The following C16orf89 variants were observed in gnomAD, a reference collection of about 807,000 sequenced individuals.
C16orf89 encodes UPF0764 protein C16orf89.
In C16orf89, 57 loss-of-function variants were observed where a neutral mutation model predicts 41.5. The ratio of observed to expected loss-of-function variants is 1.38; its 90% confidence interval spans 1.11 to 1.71. C16orf89 has a LOEUF of 1.71. C16orf89 is among the 40% of genes most tolerant of loss of function. C16orf89 has a pLI of 0.00. For synonymous variants in C16orf89, 223 were observed against 190.6 expected, an observed-to-expected ratio of 1.17 and a Z score of -1.40; for missense variants, 575 against 445.9, an observed-to-expected ratio of 1.29 and a Z score of -2.61.
chr16:5,065,758 C>G lies in C16orf89; in HGVS notation c.151G>C (p.Glu51Gln), dbSNP rs776442782. The stretch of plus-strand genomic sequence containing the variant: ...AGGTTGATTTCAGGCAGCCTCTGTT[C>G]TAGGAAGACGGTGGCTCTCTCCAGC... ...SALERATVFL[E>Q]QRLPEINLDG... Residue 51 changes from glutamate (E) to glutamine (Q), a missense_variant, in exon 1 of 8, where the codon GAA becomes CAA. Physicochemically the swap from Glu to Gln is conservative, Grantham distance 29. Coordinates refer to ENST00000472572, the MANE Select transcript of C16orf89 (RefSeq NM_001098514.3). The G allele has an allele frequency of 1.1e-5, 17 of 1,614,080 alleles. No individual in the cohort carries two copies. Among genetic ancestry groups the G allele is most frequent in the Middle Eastern group, 3.3e-4 (2 of 6,084 alleles).
At chr16:5,063,092 T>C (rs1447615954) in intron 1 of C16orf89, among the ~76,000 whole-genome samples, 1 of 152,094 alleles carries the variant, frequency 6.6e-6, no homozygotes, top group African/African-American at 2.4e-5. Context: ...TAGCAGTGGC[T>C]TTGTTGAGGT....
intron 6 of C16orf89, among the ~76,000 whole-genome samples, chr16:5,052,844 G>A (rs542864217): frequency 2.0e-4 from 30 of 152,280 alleles, no homozygotes; most frequent in East Asian, 1.9e-3. Context: ...TTATTGCAGC[G>A]CTATTCACAG....
intron 4 of C16orf89, among the ~76,000 whole-genome samples, chr16:5,056,997 T>A (rs1304766192): frequency 1.3e-5 from 2 of 151,704 alleles, no homozygotes; most frequent in Non-Finnish European, 2.9e-5. Flanking sequence ...CCCAGCACTT[T>A]GGGAGGCCGA....
At position 5,047,966 on chromosome 16, in the gene C16orf89, T is replaced by A. The variant is rs747029887; in HGVS notation, c.869-2A>T. The stretch of plus-strand genomic sequence containing the variant: ...TAGATAATTCTTCATCTTCAGCATC[T>A]GGGAGAAGAGCAAAAGTTGAACTTC... On this transcript the variant is annotated splice_acceptor_variant, in intron 6 of 7. Coordinates refer to ENST00000472572, the MANE Select transcript of C16orf89 (RefSeq NM_001098514.3). LOFTEE classifies it high-confidence loss of function. 1.3e-6 allele frequency: 2 copies of A among 1,535,740 alleles called. No homozygotes were observed. Among genetic ancestry groups the A allele is most frequent in the African/African-American group, 2.7e-5 (2 of 73,670 alleles).
chr16:5,053,730 A>G (rs1386661000), intron 6 of C16orf89, among the ~76,000 whole-genome samples: 1 of 152,094 alleles, frequency 6.6e-6, no homozygotes, highest in Non-Finnish European at 1.5e-5. Context: ...TATTTTTGGT[A>G]TAGATGGAGT....
chr16:5,062,641 GA>G (rs143371301), intron 1 of C16orf89, 67 bp from the exon 2 acceptor site: 173,703 of 1,429,632 alleles, frequency 0.12, 11,674 homozygotes, highest in Non-Finnish European at 0.14. Context: ...CTTGGAACAA[GA>G]AAAAAAAATG....
Position 5,050,722 on chromosome 16 carries a change from A to G in C16orf89, c.869-2758T>C, listed in dbSNP as rs1395250118. ...ATAGGCCGATTTCCCTGATGAACCT[A>G]GATGCAAAAATCCTTAACAAAATAC... On this transcript the variant is annotated intron_variant, in intron 6 of 7. Coordinates refer to ENST00000472572, the MANE Select transcript of C16orf89 (RefSeq NM_001098514.3). Among the ~76,000 whole-genome samples the G allele has an allele frequency of 3.3e-5, 5 of 152,224 alleles. No individual in the cohort carries two copies. In the East Asian group the frequency reaches 9.6e-4, roughly 29 times the overall value.
chr16:5,055,827 T>G (rs1265925020), intron 5 of C16orf89: 3 of 1,380,254 alleles, frequency 2.2e-6, no homozygotes, highest in Non-Finnish European at 3.0e-6. Context: ...AGTGTAAGTA[T>G]ATCCCATGAA....
At position 5,044,410 on chromosome 16, in the gene C16orf89, C is replaced by G. The variant is rs781600462; in HGVS notation, c.1024G>C (p.Glu342Gln). 5.0e-6 allele frequency: 8 copies of G among 1,612,792 alleles called. No individual in the cohort carries two copies. Among genetic ancestry groups the G allele is most frequent in the East Asian group, 2.2e-5 (1 of 44,860 alleles). ...ALGGFLYILA[E>Q]YPPANREPHP... Reference sequence around the variant, plus strand: ...GGCTCTCTGTTTGCTGGGGGGTATTCTGCCAGGATGTATAGGAAGCCACCC... The same window carrying G: ...GGCTCTCTGTTTGCTGGGGGGTATTGTGCCAGGATGTATAGGAAGCCACCC... The change falls in exon 8 of 8, where the codon GAA becomes CAA. Residue 342 changes from glutamate to glutamine, a missense_variant. Transcript: ENST00000472572.
At position 5,052,426 on chromosome 16, in the gene C16orf89, C is replaced by T. The variant is rs186682172; in HGVS notation, c.868+2820G>A. On this transcript the variant is annotated intron_variant, in intron 6 of 7. Transcript: ENST00000472572. ...GCAACATGGCGAAACTCTGTCTCTA[C>T]AAAAAATACAAAAATTAGCCGGGTG... 7.8e-4 allele frequency among the ~76,000 whole-genome samples: 118 copies of T among 152,086 alleles called. 1 individual carries two copies. The highest frequency in any genetic ancestry group is 1.0e-3 in the South Asian group (5 of 4,820).
chr16:5,057,664 A>G (rs1468185161), intron 4 of C16orf89, among the ~76,000 whole-genome samples: 1 of 150,774 alleles, frequency 6.6e-6, no homozygotes. Flanking sequence ...GAGTAGCTGG[A>G]ATTACAGGTG....
intron 3 of C16orf89, 108 bp downstream of exon 3, chr16:5,060,178 C>G (rs1012460553): frequency 5.9e-5 from 80 of 1,363,532 alleles, no homozygotes; most frequent in African/African-American, 1.4e-5. Flanking sequence ...TGTGTCTGCA[C>G]AAACCCCTGG....
chr16:5,057,718 G>A (rs1392154702), intron 4 of C16orf89, among the ~76,000 whole-genome samples: 2 of 151,622 alleles, frequency 1.3e-5, no homozygotes, highest in Non-Finnish European at 2.9e-5. Context: ...TAGTAGAGAC[G>A]GGATTTTACC....
At position 5,062,506 on chromosome 16, in the gene C16orf89, C is replaced by T. The variant is rs202137007; in HGVS notation, c.277G>A (p.Gly93Arg). ...PLLQPLSLRV[G>R]MLGEKLEAAI... ...GCCTCCAGCTTCTCCCCCAGCATCC[C>T]CACGCGCAGGCTCAGCGGCTGCAGC... Residue 93 changes from glycine to arginine, a missense_variant, in exon 2 of 8, where the codon GGG becomes AGG. Coordinates refer to ENST00000472572, the MANE Select transcript of C16orf89 (RefSeq NM_001098514.3). 29 of 1,614,002 alleles carry T rather than the reference C, an allele frequency of 1.8e-5. No individual in the cohort carries two copies. Among genetic ancestry groups the T allele is most frequent in the Non-Finnish European group, 2.4e-5 (28 of 1,179,974 alleles).
At chr16:5,044,985 ATGTC>A in intron 7 of C16orf89, 1 of 1,129,980 alleles carries the variant, frequency 8.8e-7, no homozygotes, top group Non-Finnish European at 1.1e-6. Flanking sequence ...TCTGGGAGGT[ATGTC>A]CCTCCCAAAT....
chr16:5,044,203 G>C lies in C16orf89; in HGVS notation c.*145C>G. ...CCTACCCTGGCCTTGCCTACTCAGG[G>C]CTTCCAAGATTGGGTGTCGGGGTGG... On this transcript the variant is annotated 3_prime_UTR_variant, in exon 8 of 8. Coordinates refer to ENST00000472572, the MANE Select transcript of C16orf89 (RefSeq NM_001098514.3). 7.1e-7 allele frequency: 1 copy of C among 1,404,876 alleles called. No individual in the cohort carries two copies. Among genetic ancestry groups the C allele is most frequent in the South Asian group, 1.6e-5 (1 of 61,000 alleles). 87.0% of individuals were successfully genotyped at this position (1,404,876 alleles called of 1,614,324 possible). A position where few individuals can be genotyped will look rare whatever the true frequency, so the allele number is the denominator to read the frequency against.
intron 7 of C16orf89, among the ~76,000 whole-genome samples, chr16:5,045,930 G>A (rs936313858): frequency 2.0e-5 from 3 of 152,190 alleles, no homozygotes; most frequent in Admixed American, 2.0e-4. Context: ...CTTGGGCTCT[G>A]GAATTTCTGT....
Position 5,062,501 on chromosome 16 carries a change from C to A in C16orf89, c.282G>T (p.Met94Ile). 1.2e-6 allele frequency: 2 copies of A among 1,614,094 alleles called. No individual in the cohort carries two copies. The highest frequency in any genetic ancestry group is 1.7e-6 in the Non-Finnish European group (2 of 1,179,942). Reference protein sequence around the residue: ...LLQPLSLRVGMLGEKLEAAIQ... With the variant: ...LLQPLSLRVGILGEKLEAAIQ... The stretch of plus-strand genomic sequence containing the variant: ...TGGCAGCCTCCAGCTTCTCCCCCAG[C>A]ATCCCCACGCGCAGGCTCAGCGGCT... Residue 94 changes from methionine to isoleucine, a missense_variant, in exon 2 of 8, where the codon ATG (methionine) becomes ATT (isoleucine). By Grantham distance (10) the Met-to-Ile change is conservative. Transcript: ENST00000472572.
At chr16:5,044,630 TC>T in intron 7 of C16orf89, 152 bp from the exon 8 acceptor site, 1 of 1,421,952 alleles carries the variant, frequency 7.0e-7, no homozygotes, top group Non-Finnish European at 9.5e-7. Context: ...TCTCTTGAGA[TC>T]AGGAGTTCGA....
Sources: allele counts gnomAD v4.1 joint callset (sites outside exome capture counted in the v4.1 genomes callset), GRCh38; gene constraint gnomAD v4.1.1; transcripts MANE v1.5; gene names NCBI Gene and HGNC (gene_info 2026-07-23, HGNC 2026-07-21).